The following FGFR1OP2 variants were observed in gnomAD, a reference collection of about 807,000 sequenced individuals.
FGFR1OP2 encodes fibroblast growth factor receptor 1 oncogene partner 2.
A neutral mutation model predicts 35.2 loss-of-function variants in FGFR1OP2; 17 were observed. That is an observed-to-expected ratio of 0.48 (90% CI 0.33 to 0.73). FGFR1OP2 has a LOEUF of 0.73. FGFR1OP2 is among the 30% of genes least tolerant of loss of function. The pLI is 0.02. For missense variants in FGFR1OP2, 251 were observed against 307.3 expected (o/e 0.82, Z 1.37); for synonymous variants, 105 against 104.6 (o/e 1.00, Z -0.03).
chr12:26,943,767 G>A (rs1371338713), intron 1 of FGFR1OP2, among the ~76,000 whole-genome samples: 1 of 152,170 alleles, frequency 6.6e-6, no homozygotes, highest in East Asian at 1.9e-4. Flanking sequence ...GGAGGTTCCA[G>A]TGAGCCAAGA....
At chr12:26,954,509 C>CA (rs1468072201) in intron 2 of FGFR1OP2, among the ~76,000 whole-genome samples, 2 of 152,154 alleles carry the variant, frequency 1.3e-5, no homozygotes, top group Non-Finnish European at 2.9e-5. Flanking sequence ...ATTTTGCTGA[C>CA]AGAGTTGCAC....
At chr12:26,942,571 C>G (rs1938753555) in intron 1 of FGFR1OP2, among the ~76,000 whole-genome samples, 1 of 152,174 alleles carries the variant, frequency 6.6e-6, no homozygotes. Flanking sequence ...AAGAAGAAAA[C>G]AGTGACTTAT....
intron 1 of FGFR1OP2, among the ~76,000 whole-genome samples, chr12:26,939,282 G>C (rs560222729): frequency 6.8e-4 from 90 of 132,220 alleles, no homozygotes; most frequent in African/African-American, 2.3e-3. Flanking sequence ...TCTGCCCCCC[G>C]CCCTCCACTG....
intron 3 of FGFR1OP2, 75 bp from the exon 4 acceptor site, chr12:26,957,526 A>T: frequency 7.5e-7 from 1 of 1,326,002 alleles, no homozygotes; most frequent in Non-Finnish European, 1.0e-6. Flanking sequence ...CCCGTTCATA[A>T]GTTGCTTAGT....
rs1376100102 is a variant in FGFR1OP2, at chr12:26,965,850, A to G, written c.*1117A>G. The G allele has an allele frequency of 6.6e-6, 1 of 152,020 alleles. No individual in the cohort carries two copies. Among genetic ancestry groups the G allele is most frequent in the Non-Finnish European group, 1.5e-5 (1 of 67,930 alleles). 9.4% of individuals were successfully genotyped at this position (152,020 alleles called of 1,614,324 possible). A position where few individuals can be genotyped will look rare whatever the true frequency, so the allele number is the denominator to read the frequency against. ...CAAATATATAATATGTAATTTTTTTAAAAACCACCAGATACAGAAATGTGC... is the reference window on the plus strand; with the variant it reads ...CAAATATATAATATGTAATTTTTTTGAAAACCACCAGATACAGAAATGTGC... On this transcript the variant is annotated 3_prime_UTR_variant, in exon 7 of 7. Coordinates refer to ENST00000229395, the MANE Select transcript of FGFR1OP2 (RefSeq NM_015633.3).
At chr12:26,954,880 T>C (rs1938993891) in intron 2 of FGFR1OP2, among the ~76,000 whole-genome samples, 1 of 152,178 alleles carries the variant, frequency 6.6e-6, no homozygotes, top group South Asian at 2.1e-4. Context: ...TTTAACCTTC[T>C]TCTGATAAAA....
chr12:26,940,355 C>G (rs1938714860), intron 1 of FGFR1OP2, among the ~76,000 whole-genome samples: 1 of 152,180 alleles, frequency 6.6e-6, no homozygotes, highest in Admixed American at 6.5e-5. Context: ...TAATTTTCTT[C>G]AGAAAGTGTC....
intron 5 of FGFR1OP2, chr12:26,962,574 A>G (rs919781698): frequency 2.0e-5 from 3 of 152,148 alleles, no homozygotes; most frequent in Non-Finnish European, 4.4e-5. Context: ...ACTAGACTGT[A>G]AGCTTCTTCA....
At chr12:26,946,477 ATTT>A (rs1010878480) in intron 1 of FGFR1OP2, among the ~76,000 whole-genome samples, 5 of 151,840 alleles carry the variant, frequency 3.3e-5, no homozygotes, top group Admixed American at 3.3e-4. Context: ...CGCCCGGTTA[ATTT>A]TTTGTATTTT....
At chr12:26,956,210 T>C (rs936616157) in intron 2 of FGFR1OP2, among the ~76,000 whole-genome samples, 1 of 152,142 alleles carries the variant, frequency 6.6e-6, no homozygotes, top group African/African-American at 2.4e-5. Flanking sequence ...ACAATTGTTA[T>C]TGTCTTTTTC....
intron 1 of FGFR1OP2, 87 bp from the exon 2 acceptor site, chr12:26,954,058 T>A: frequency 1.0e-6 from 1 of 1,003,516 alleles, no homozygotes; most frequent in Admixed American, 3.0e-5. Flanking sequence ...CAAATGTGGC[T>A]TAAGAAGCAT....
chr12:26,951,112 G>A (rs1314143976), intron 1 of FGFR1OP2, among the ~76,000 whole-genome samples: 2 of 152,066 alleles, frequency 1.3e-5, no homozygotes, highest in African/African-American at 4.8e-5. Flanking sequence ...TCGGAGGCAG[G>A]GAAGCTAAAC....
chr12:26,954,211 G>C lies in FGFR1OP2; in HGVS notation c.53G>C (p.Arg18Thr). Residue 18 changes from arginine (R) to threonine (T), a missense_variant, in exon 2 of 7, where the codon AGA becomes ACA. Arg to Thr is a moderately conservative substitution (Grantham distance 71). Transcript: ENST00000229395. ...GCCGACGCTAAAGCTCTTGTTGAAA[G>C]ATTAAGAGATCATGACGATGCAGCA... ...ALADAKALVE[R>T]LRDHDDAAES... 6.2e-7 allele frequency: 1 copy of C among 1,612,138 alleles called. No individual in the cohort carries two copies. The highest frequency in any genetic ancestry group is 1.1e-5 in the South Asian group (1 of 90,664).
rs1456936116 is a variant in FGFR1OP2, at chr12:26,965,936, AAAG to A, written c.*1208_*1210del. ...GTGGTGATTGTATTAAAAAGGGATA[AAAG>A]AAGAGTGTCAAACATGGTTAAATAT... On this transcript the variant is annotated 3_prime_UTR_variant, in exon 7 of 7. Transcript: ENST00000229395. The A allele has an allele frequency of 1.3e-5, 2 of 151,964 alleles. No individual in the cohort carries two copies. Among genetic ancestry groups the A allele is most frequent in the Non-Finnish European group, 2.9e-5 (2 of 67,966 alleles). The allele number at this position is 151,964 out of a possible 1,614,324, so 9.4% of individuals were successfully genotyped here. A position where few individuals can be genotyped will look rare whatever the true frequency, so the allele number is the denominator to read the frequency against.
At chr12:26,951,110 A>C (rs923644814) in intron 1 of FGFR1OP2, among the ~76,000 whole-genome samples, 4 of 152,150 alleles carry the variant, frequency 2.6e-5, no homozygotes, top group African/African-American at 7.2e-5. Context: ...GCTCGGAGGC[A>C]GGGAAGCTAA....
chr12:26,952,658 C>T (rs963633768), intron 1 of FGFR1OP2, among the ~76,000 whole-genome samples: 1 of 146,196 alleles, frequency 6.8e-6, no homozygotes, highest in Non-Finnish European at 1.5e-5. Flanking sequence ...TTTAAATTTT[C>T]TCTTTGCTAC....
chr12:26,943,435 C>A (rs1202967534), intron 1 of FGFR1OP2, among the ~76,000 whole-genome samples: 1 of 149,726 alleles, frequency 6.7e-6, no homozygotes, highest in African/African-American at 2.5e-5. Context: ...CTTTGCATTT[C>A]CAAGCTAATT....
rs1334117873 is a variant in FGFR1OP2 at position 26,965,177 on chromosome 12, T to G, written c.*444T>G. 2 of 155,478 alleles carry G rather than the reference T, an allele frequency of 1.3e-5. No individual in the cohort carries two copies. Among genetic ancestry groups the G allele is most frequent in the Non-Finnish European group, 2.9e-5 (2 of 69,682 alleles). The allele number at this position is 155,478 out of a possible 1,614,324, so 9.6% of individuals were successfully genotyped here. A position where few individuals can be genotyped will look rare whatever the true frequency, so the allele number is the denominator to read the frequency against. ...GGCGTCAAAGTTGATGCAAAGTTTA[T>G]GTACCATGAGACTTCTAGTGATTGC... On this transcript the variant is annotated 3_prime_UTR_variant, in exon 7 of 7. Coordinates refer to ENST00000229395, the MANE Select transcript of FGFR1OP2 (RefSeq NM_015633.3).
rs554331699 is a variant in FGFR1OP2, at chr12:26,938,493, A to AGGCGGTCGGCGGCGGTCGGC, written c.-220_-219insCGGTCGGCGGCGGTCGGCGG. 1.3e-5 allele frequency: 2 copies of AGGCGGTCGGCGGCGGTCGGC among 152,270 alleles called. No homozygotes were observed. The highest frequency in any genetic ancestry group is 2.9e-5 in the Non-Finnish European group (2 of 68,104). The allele number at this position is 152,270 out of a possible 1,614,324, so 9.4% of individuals were successfully genotyped here. On this transcript the variant is annotated 5_prime_UTR_variant, in exon 1 of 7. Transcript: ENST00000229395. The stretch of plus-strand genomic sequence containing the variant: ...GGAGTTCTCCGGGAGCGCCGGTCGG[A>AGGCGGTCGGCGGCGGTCGGC]GGCGGTCGGCGGAGGTGTCTACCCC...
Sources: gnomAD v4.1 joint callset for allele counts (sites outside exome capture counted in the v4.1 genomes callset) on GRCh38, gnomAD v4.1.1 for gene constraint, MANE v1.5 for transcripts, NCBI Gene and HGNC (gene_info 2026-07-23, HGNC 2026-07-21) for gene names.